Variants in PLD5 observed in about 807,000 individuals in gnomAD.
The protein encoded by PLD5 is inactive phospholipase D5.
PLD5 carries 36 observed loss-of-function variants against 61.1 expected under a neutral mutation model. That is an observed-to-expected ratio of 0.59 (90% CI 0.45 to 0.78). The LOEUF (loss-of-function observed/expected upper bound fraction) is 0.78, where lower values mean the gene tolerates loss of function less well. Among genes scored for constraint, PLD5 ranks in the 30% least tolerant of loss-of-function variants. The pLI, the probability that PLD5 is intolerant of heterozygous loss-of-function variation, is 0.00. For missense variants in PLD5, 515 were observed against 644.4 expected (o/e 0.80, Z 2.17); for synonymous variants, 243 against 242.8 (o/e 1.00, Z -0.01).
At chr1:242,267,074 G>A (rs554025627) in intron 3 of PLD5, among the ~76,000 whole-genome samples, 1 of 150,932 alleles carries the variant, frequency 6.6e-6, no homozygotes, top group East Asian at 1.9e-4. Context: ...CTGAGATCAC[G>A]CCACTGAACT....
intron 5 of PLD5, among the ~76,000 whole-genome samples, chr1:242,211,119 C>G (rs999387132): frequency 3.9e-5 from 6 of 152,178 alleles, no homozygotes; most frequent in African/African-American, 1.4e-4. Flanking sequence ...AAGCTGGATA[C>G]ACTAAACAAC....
intron 3 of PLD5, among the ~76,000 whole-genome samples, chr1:242,277,285 T>A (rs1558422963): frequency 6.6e-6 from 1 of 152,082 alleles, no homozygotes; most frequent in Non-Finnish European, 1.5e-5. Context: ...TTATTCCAGG[T>A]GGGAAGAGGA....
At chr1:242,305,823 G>T (rs950353535) in intron 2 of PLD5, among the ~76,000 whole-genome samples, 4 of 152,130 alleles carry the variant, frequency 2.6e-5, no homozygotes, top group African/African-American at 4.8e-5. Context: ...GCCTTCCAAA[G>T]TGCACTTCCA....
chr1:242,512,834 C>A (rs143397332), intron 1 of PLD5, among the ~76,000 whole-genome samples: 86 of 151,770 alleles, frequency 5.7e-4, no homozygotes, highest in African/African-American at 2.0e-3. Context: ...GTTTCTCATG[C>A]AAACCTGAGG....
chr1:242,282,147 T>C (rs1210225364), intron 3 of PLD5, among the ~76,000 whole-genome samples: 1 of 152,168 alleles, frequency 6.6e-6, no homozygotes, highest in Non-Finnish European at 1.5e-5. Context: ...CAAACCCTTA[T>C]ATAGGCACTA....
chr1:242,388,880 G>T (rs765630329), intron 1 of PLD5, among the ~76,000 whole-genome samples: 1 of 152,054 alleles, frequency 6.6e-6, no homozygotes, highest in African/African-American at 2.4e-5. Flanking sequence ...GCTTGAACCC[G>T]GGAGGTGGAG....
intron 5 of PLD5, among the ~76,000 whole-genome samples, chr1:242,170,691 C>T (rs1268746303): frequency 6.6e-6 from 1 of 152,046 alleles, no homozygotes; most frequent in Non-Finnish European, 1.5e-5. Flanking sequence ...ACTAGAATAA[C>T]CAGTTTAGAG....
At chr1:242,141,168 C>G (rs1388373542) in intron 5 of PLD5, among the ~76,000 whole-genome samples, 1 of 152,128 alleles carries the variant, frequency 6.6e-6, no homozygotes, top group East Asian at 1.9e-4. Flanking sequence ...TTTGTAGATC[C>G]AGATCTGAAG....
intron 3 of PLD5, among the ~76,000 whole-genome samples, chr1:242,273,189 T>A (rs998879172): frequency 6.6e-6 from 1 of 151,890 alleles, no homozygotes; most frequent in Non-Finnish European, 1.5e-5. Context: ...TTGTTTTCTG[T>A]TCCTGTGTTA....
intron 1 of PLD5, among the ~76,000 whole-genome samples, chr1:242,378,541 A>G (rs1299222298): frequency 6.6e-6 from 1 of 152,160 alleles, no homozygotes; most frequent in Non-Finnish European, 1.5e-5. Flanking sequence ...ACCACAATAA[A>G]AAACAATTAA....
At chr1:242,319,279 A>G (rs1001828094) in intron 2 of PLD5, among the ~76,000 whole-genome samples, 1 of 152,078 alleles carries the variant, frequency 6.6e-6, no homozygotes, top group Non-Finnish European at 1.5e-5. Flanking sequence ...GAAAAAACAC[A>G]CAACTGCATG....
At chr1:242,316,880 C>A (rs1658038512) in intron 2 of PLD5, among the ~76,000 whole-genome samples, 1 of 152,064 alleles carries the variant, frequency 6.6e-6, no homozygotes, top group Non-Finnish European at 1.5e-5. Context: ...GTTTTCTGTT[C>A]CTGTGTTAGT....
intron 1 of PLD5, among the ~76,000 whole-genome samples, chr1:242,413,224 C>T (rs1664649707): frequency 6.6e-6 from 1 of 152,044 alleles, no homozygotes; most frequent in Admixed American, 6.6e-5. Flanking sequence ...TGAAAATGCT[C>T]TTTCTTTTTG....
In PLD5 at chr1:242,524,582, G is replaced by A. The variant is rs1464334138; in HGVS notation, c.-306C>T. ...GGGAGAAGGGGGACGAGAGGGGACA[G>A]GGAGGGAAAGGAACCTGCTCCGGGG... On this transcript the variant is annotated 5_prime_UTR_variant, in exon 1 of 10. Coordinates refer to ENST00000536534, the MANE Select transcript of PLD5 (RefSeq NM_001372062.1). 35 of 244,302 alleles carry A rather than the reference G, an allele frequency of 1.4e-4. No homozygotes were observed. In the East Asian group the frequency reaches 2.4e-3, roughly 17 times the overall value. 15.1% of individuals were successfully genotyped at this position (244,302 alleles called of 1,614,324 possible). A position where few individuals can be genotyped will look rare whatever the true frequency, so the allele number is the denominator to read the frequency against.
intron 5 of PLD5, among the ~76,000 whole-genome samples, chr1:242,172,061 C>T (rs369006229): frequency 2.6e-5 from 4 of 152,208 alleles, no homozygotes; most frequent in Non-Finnish European, 5.9e-5. Context: ...CTCTCCACCC[C>T]AAATCAACAG....
intron 1 of PLD5, among the ~76,000 whole-genome samples, chr1:242,428,710 C>A (rs1665562341): frequency 6.9e-6 from 1 of 145,536 alleles, no homozygotes; most frequent in African/African-American, 2.5e-5. Flanking sequence ...TAATTCTATA[C>A]CAAAGAAGAA....
At chr1:242,351,466 TAGTG>T (rs746734957) in intron 1 of PLD5, among the ~76,000 whole-genome samples, 4 of 152,280 alleles carry the variant, frequency 2.6e-5, no homozygotes, top group South Asian at 2.1e-4. Context: ...GTTCTCATGA[TAGTG>T]AGTAAGTCTC....
At chr1:242,171,353 C>T (rs986161209) in intron 5 of PLD5, among the ~76,000 whole-genome samples, 2 of 152,110 alleles carry the variant, frequency 1.3e-5, no homozygotes, top group African/African-American at 4.8e-5. Context: ...TTTGTCACCA[C>T]CAGGCCTGCC....
chr1:242,163,346 T>C (rs2148852630), intron 5 of PLD5, among the ~76,000 whole-genome samples: 1 of 152,148 alleles, frequency 6.6e-6, no homozygotes, highest in Non-Finnish European at 1.5e-5. Context: ...GGTTTCACTG[T>C]GTTAGCCAGG....
Sources: allele counts gnomAD v4.1 joint callset (sites outside exome capture counted in the v4.1 genomes callset), GRCh38; gene constraint gnomAD v4.1.1; transcripts MANE v1.5; gene names NCBI Gene and HGNC (gene_info 2026-07-23, HGNC 2026-07-21).